The following ALDH1L1 variants were observed in gnomAD, a reference collection of about 807,000 sequenced individuals.
ALDH1L1 encodes cytosolic 10-formyltetrahydrofolate dehydrogenase.
A neutral mutation model predicts 101.1 loss-of-function variants in ALDH1L1; 68 were observed. The observed-to-expected ratio is 0.67, with a 90% CI of 0.55 to 0.82. ALDH1L1 has a LOEUF of 0.82. Among genes scored for constraint, ALDH1L1 ranks in the 40% least tolerant of loss-of-function variants. The pLI is 0.00. For synonymous variants in ALDH1L1, 486 were observed against 470.8 expected, an observed-to-expected ratio of 1.03 and a Z score of -0.42; for missense variants, 1,087 against 1,172.7, an observed-to-expected ratio of 0.93 and a Z score of 1.07.
intron 9 of ALDH1L1, among the ~76,000 whole-genome samples, chr3:126,141,510 C>T (rs150775161): frequency 1.4e-3 from 206 of 152,108 alleles, no homozygotes; most frequent in African/African-American, 4.2e-3. Flanking sequence ...AATATCTTTC[C>T]TAATCAAAAT....
In ALDH1L1 at chr3:126,135,548, G is replaced by A. The variant is rs755365962; in HGVS notation, c.1459C>T (p.Arg487Trp). Residue 487 changes from arginine (R) to tryptophan (W), a missense_variant, in exon 12 of 23, where the codon CGG (arginine) becomes TGG (tryptophan). By Grantham distance (101) the Arg-to-Trp change is moderately radical. This residue lies in a region of ALDH1L1 where 645 missense variants were observed against 637.0 expected (regional missense o/e 1.01). Transcript: ENST00000393434. Reference protein sequence around the residue: ...WGKISARDRGRLMYRLADLME... With the variant: ...WGKISARDRGWLMYRLADLME... ...TTGGGCTCCCACCTGTACATCAGCCGGCCCCGGTCCCGCGCACTGATCTTC... is the reference window on the plus strand; with the variant it reads ...TTGGGCTCCCACCTGTACATCAGCCAGCCCCGGTCCCGCGCACTGATCTTC... 23 of 1,607,920 alleles carry A rather than the reference G, an allele frequency of 1.4e-5. No homozygotes were observed. The highest frequency in any genetic ancestry group is 5.1e-5 in the Admixed American group (3 of 59,154).
chr3:126,182,295 C>T (rs145864567), upstream of ALDH1L1, among the ~76,000 whole-genome samples: 786 of 152,150 alleles, frequency 5.2e-3, 28 homozygotes, highest in Admixed American at 0.047. Context: ...TACAGGCATG[C>T]GCCACCACAC....
At chr3:126,117,686 C>G (rs1434479320) in intron 17 of ALDH1L1, among the ~76,000 whole-genome samples, 1 of 151,988 alleles carries the variant, frequency 6.6e-6, no homozygotes, top group Non-Finnish European at 1.5e-5. Flanking sequence ...AAAAAAAACC[C>G]CAAACATCCT....
intron 19 of ALDH1L1, among the ~76,000 whole-genome samples, chr3:126,111,088 A>C (rs1480010315): frequency 6.6e-6 from 1 of 152,136 alleles, no homozygotes; most frequent in African/African-American, 2.4e-5. Context: ...CTGGGTCTGT[A>C]TCCTGGTCCT....
At position 126,146,864 on chromosome 3, in the gene ALDH1L1, C is replaced by T; in HGVS notation, c.1047G>A (p.Lys349=). Reference sequence around the variant, plus strand: ...CAACGTCCACAGACGCGGCCCCTGACTTGAAGAAATCAGTGGAGTCTTCAA... The same window carrying T: ...CAACGTCCACAGACGCGGCCCCTGATTTGAAGAAATCAGTGGAGTCTTCAA... The part of the protein sequence containing the change: ...LEVEDSTDFF[K]SGAASVDVVR... The change falls in exon 9 of 23, where the codon AAG becomes AAA. Residue 349 remains lysine, a synonymous_variant. Coordinates refer to ENST00000393434, the MANE Select transcript of ALDH1L1 (RefSeq NM_012190.4). The T allele has an allele frequency of 6.2e-7, 1 of 1,614,114 alleles. No individual in the cohort carries two copies. Among genetic ancestry groups the T allele is most frequent in the Non-Finnish European group, 8.5e-7 (1 of 1,179,952 alleles).
At position 126,150,260 on chromosome 3, in the gene ALDH1L1, C is replaced by T. The variant is rs191958951; in HGVS notation, c.984+146G>A. On this transcript the variant is annotated intron_variant, in intron 8 of 22. Transcript: ENST00000393434. ...AAGAAGACAACAGAAAGCTCCAAGA[C>T]GAGATAGAACCAACACTGCACCTGG... 186 of 1,325,700 alleles carry T rather than the reference C, an allele frequency of 1.4e-4. No homozygotes were observed. The African/African-American group carries it at 2.3e-3, about 17-fold the overall frequency. 82.1% of individuals were successfully genotyped at this position (1,325,700 alleles called of 1,614,324 possible).
intron 1 of ALDH1L1, among the ~76,000 whole-genome samples, chr3:126,171,020 T>C (rs550239201): frequency 3.9e-5 from 6 of 152,266 alleles, no homozygotes; most frequent in East Asian, 1.9e-4. Flanking sequence ...GACTCTTGGC[T>C]GGGCGCGGTG....
intron 12 of ALDH1L1, among the ~76,000 whole-genome samples, chr3:126,133,409 C>T (rs1391898175): frequency 6.6e-6 from 1 of 152,194 alleles, no homozygotes; most frequent in African/African-American, 2.4e-5. Flanking sequence ...AACCTGCAGC[C>T]CACTAAAGCT....
chr3:126,197,251 C>G (rs563755217), intron 1 of ALDH1L1, among the ~76,000 whole-genome samples: 1 of 152,170 alleles, frequency 6.6e-6, no homozygotes, highest in Non-Finnish European at 1.5e-5. Context: ...TGCTGCCTCC[C>G]GGGCCTAATG....
intron 16 of ALDH1L1, among the ~76,000 whole-genome samples, chr3:126,122,528 A>G (rs2080099598): frequency 6.6e-6 from 1 of 152,234 alleles, no homozygotes; most frequent in South Asian, 2.1e-4. Flanking sequence ...CAGATAACAT[A>G]TAAACTCTGC....
chr3:126,138,031 C>A, intron 9 of ALDH1L1, 71 bp from the exon 10 acceptor site: 3 of 1,580,894 alleles, frequency 1.9e-6, no homozygotes, highest in Admixed American at 1.7e-5. Flanking sequence ...GCAGCAGTGG[C>A]AGTGGGGCCA....
intron 9 of ALDH1L1, among the ~76,000 whole-genome samples, chr3:126,142,919 C>A (rs1003144959): frequency 6.6e-6 from 1 of 152,212 alleles, no homozygotes; most frequent in Non-Finnish European, 1.5e-5. Context: ...GAACCTTACA[C>A]TGTGCTCCTT....
intron 11 of ALDH1L1, 25 bp downstream of exon 11, chr3:126,136,739 G>A (rs763355466): frequency 1.3e-6 from 2 of 1,556,534 alleles, no homozygotes; most frequent in Non-Finnish European, 1.7e-6. Context: ...GGAATGTGGA[G>A]AAGGGGTGCT....
At chr3:126,176,530 A>G (rs372986357) in intron 1 of ALDH1L1, among the ~76,000 whole-genome samples, 130 of 152,200 alleles carry the variant, frequency 8.5e-4, no homozygotes, top group Non-Finnish European at 9.0e-4. Context: ...AACTCACATC[A>G]ATACAGTCAA....
intron 17 of ALDH1L1, among the ~76,000 whole-genome samples, chr3:126,115,938 T>A (rs780372514): frequency 6.6e-6 from 1 of 151,086 alleles, no homozygotes; most frequent in East Asian, 2.0e-4. Context: ...AGTGGTGTGA[T>A]CTCAGCTTAC....
chr3:126,194,699 C>T (rs866759555), intron 1 of ALDH1L1, among the ~76,000 whole-genome samples: 1 of 152,110 alleles, frequency 6.6e-6, no homozygotes, highest in Non-Finnish European at 1.5e-5. Context: ...CTTGTTCAGA[C>T]CCTTAGCTTT....
chr3:126,109,551 G>A (rs963110391), intron 20 of ALDH1L1, among the ~76,000 whole-genome samples: 1 of 152,196 alleles, frequency 6.6e-6, no homozygotes, highest in African/African-American at 2.4e-5. Flanking sequence ...GGTGTTCCAA[G>A]CTAAGGATAG....
rs774573944 is a variant in ALDH1L1 at position 126,158,446 on chromosome 3, C to G, written c.321G>C (p.Pro107=). The part of the protein sequence containing the change: ...APRHGSIIYH[P]SLLPRHRGAS... Reference sequence around the variant, plus strand: ...CCCCTCGGTGCCTAGGGAGCAGTGACGGGTGATAGATGATGGAGCCATGCC... The same window carrying G: ...CCCCTCGGTGCCTAGGGAGCAGTGAGGGGTGATAGATGATGGAGCCATGCC... The change falls in exon 3 of 23, where the codon CCG becomes CCC. Residue 107 remains proline, a synonymous_variant. Coordinates refer to ENST00000393434, the MANE Select transcript of ALDH1L1 (RefSeq NM_012190.4). 6.2e-7 allele frequency: 1 copy of G among 1,612,140 alleles called. No individual in the cohort carries two copies.
intron 18 of ALDH1L1, 40 bp downstream of exon 18, chr3:126,114,517 C>A: frequency 6.9e-7 from 1 of 1,446,900 alleles, no homozygotes; most frequent in South Asian, 1.6e-5. Context: ...AGTCCCTGTT[C>A]CCGCTCACTG....
Sources: allele counts gnomAD v4.1 joint callset (sites outside exome capture counted in the v4.1 genomes callset), GRCh38; gene constraint gnomAD v4.1.1; regional missense constraint gnomAD v4.1.1; transcripts MANE v1.5; gene names NCBI Gene and HGNC (gene_info 2026-07-23, HGNC 2026-07-21).